The following TBC1D14 variants were observed in gnomAD, a reference collection of about 807,000 sequenced individuals.
TBC1D14 encodes the protein TBC1 domain family, member 14.
Under a neutral mutation model 79.0 loss-of-function variants are expected in TBC1D14, and 26 were observed. The ratio of observed to expected loss-of-function variants is 0.33; its 90% CI spans 0.24 to 0.46. TBC1D14 has a LOEUF of 0.46. Among genes scored for constraint, TBC1D14 ranks in the 20% least tolerant of loss-of-function variants. TBC1D14 has a pLI of 1.00. For synonymous variants in TBC1D14, 394 were observed against 349.9 expected (o/e 1.13, Z -1.40); for missense variants, 769 against 887.6 (o/e 0.87, Z 1.70).
At chr4:6,975,064 ACC>A (rs1409066707) in intron 3 of TBC1D14, among the ~76,000 whole-genome samples, 2 of 151,962 alleles carry the variant, frequency 1.3e-5, no homozygotes, top group African/African-American at 4.8e-5. Flanking sequence ...GGCGCCCGTC[ACC>A]ATGCCTGGCT....
At chr4:7,010,941 C>T (rs1299414343) in intron 11 of TBC1D14, among the ~76,000 whole-genome samples, 160 bp downstream of exon 11, 1 of 152,052 alleles carries the variant, frequency 6.6e-6, no homozygotes, top group Non-Finnish European at 1.5e-5. Flanking sequence ...TTTTGAGCAG[C>T]GTATTGCATG....
At chr4:6,993,403 G>A (rs989116818) in intron 3 of TBC1D14, among the ~76,000 whole-genome samples, 2 of 152,228 alleles carry the variant, frequency 1.3e-5, no homozygotes, top group South Asian at 2.1e-4. Flanking sequence ...GAGCTCTTGT[G>A]GTTGCAGTGC....
chr4:7,021,407 G>T (rs1189386140), intron 12 of TBC1D14, among the ~76,000 whole-genome samples: 1 of 152,162 alleles, frequency 6.6e-6, no homozygotes, highest in Non-Finnish European at 1.5e-5. Flanking sequence ...AGACTAGTCT[G>T]GGCAACACAG....
At chr4:6,958,868 C>A (rs1577085815) in intron 2 of TBC1D14, among the ~76,000 whole-genome samples, 1 of 149,488 alleles carries the variant, frequency 6.7e-6, no homozygotes, top group East Asian at 2.0e-4. Context: ...GTTTATTGGT[C>A]AGCTTCTTGA....
Position 7,014,566 on chromosome 4 carries a change from G to A in TBC1D14, c.1757+9G>A. Reference sequence around the variant, plus strand: ...ATCTACCTAATTGATTGGTAAGACTGGCTTTTCCCTGTGTTTTCAGAGCAT... The same window carrying A: ...ATCTACCTAATTGATTGGTAAGACTAGCTTTTCCCTGTGTTTTCAGAGCAT... On this transcript the variant is annotated intron_variant, in intron 12 of 13. Coordinates refer to ENST00000409757, the MANE Select transcript of TBC1D14 (RefSeq NM_020773.3). The A allele has an allele frequency of 1.3e-6, 2 of 1,566,656 alleles. No individual in the cohort carries two copies. The highest frequency in any genetic ancestry group is 1.1e-5 in the South Asian group (1 of 89,984).
intron 2 of TBC1D14, among the ~76,000 whole-genome samples, chr4:6,932,157 C>G (rs149630516): frequency 0.012 from 1,823 of 152,114 alleles, 18 homozygotes; most frequent in Middle Eastern, 0.037. Flanking sequence ...GTTGGGAGTT[C>G]AAGACCAGCC....
chr4:6,943,979 C>T (rs1167311070), intron 2 of TBC1D14, among the ~76,000 whole-genome samples: 1 of 152,200 alleles, frequency 6.6e-6, no homozygotes, highest in South Asian at 2.1e-4. Flanking sequence ...GGTTTCCGAT[C>T]GCGGGCACGG....
At chr4:6,915,112 C>G (rs899707758) in intron 1 of TBC1D14, among the ~76,000 whole-genome samples, 1 of 152,196 alleles carries the variant, frequency 6.6e-6, no homozygotes, top group South Asian at 2.1e-4. Context: ...GGCCAGTTCA[C>G]AGGGAGGTGC....
intron 2 of TBC1D14, among the ~76,000 whole-genome samples, chr4:6,928,661 C>A (rs923043136): frequency 6.6e-6 from 1 of 152,146 alleles, no homozygotes; most frequent in African/African-American, 2.4e-5. Flanking sequence ...GGTGAAACCT[C>A]ATTTCTACTA....
chr4:7,005,509 T>G (rs1284467544), intron 8 of TBC1D14, among the ~76,000 whole-genome samples: 3 of 152,092 alleles, frequency 2.0e-5, no homozygotes, highest in Non-Finnish European at 4.4e-5. Flanking sequence ...CATTCCAGCC[T>G]GGGTAACAGA....
chr4:6,911,061 TC>T (rs1174412052), intron 1 of TBC1D14, among the ~76,000 whole-genome samples: 6 of 152,308 alleles, frequency 3.9e-5, no homozygotes, highest in Admixed American at 2.6e-4. Flanking sequence ...GGTTGCTTTG[TC>T]TGGACCGGGC....
At chr4:6,910,558 C>T (rs1722897335) in intron 1 of TBC1D14, 1 of 152,338 alleles carries the variant, frequency 6.6e-6, no homozygotes, top group South Asian at 2.1e-4. Context: ...CGCGAAGACC[C>T]TGGCCCGGGG....
At chr4:7,021,688 C>A (rs570938658) in intron 12 of TBC1D14, among the ~76,000 whole-genome samples, 42 of 150,982 alleles carry the variant, frequency 2.8e-4, no homozygotes, top group Non-Finnish European at 4.7e-4. Flanking sequence ...TAAAAACATA[C>A]TTTTATTTAT....
intron 2 of TBC1D14, among the ~76,000 whole-genome samples, chr4:6,939,997 C>T (rs1040320770): frequency 2.0e-5 from 3 of 152,214 alleles, no homozygotes; most frequent in African/African-American, 7.2e-5. Context: ...GGCCTGTGCC[C>T]CTGGCTCCCG....
At chr4:6,974,889 TTTTG>T (rs909849867) in intron 3 of TBC1D14, among the ~76,000 whole-genome samples, 22 of 152,080 alleles carry the variant, frequency 1.4e-4, no homozygotes, top group Admixed American at 2.6e-4. Flanking sequence ...TGTGTGTCTG[TTTTG>T]TTTGTTTGTT....
Position 6,947,490 on chromosome 4 carries a change from C to T in TBC1D14, c.723-19814C>T, listed in dbSNP as rs1290406664. 5.9e-5 allele frequency among the ~76,000 whole-genome samples: 6 copies of T among 101,442 alleles called. No homozygotes were observed. The East Asian group carries it at 1.1e-3, about 19-fold the overall frequency. The allele number at this position is 101,442 out of a possible 152,430, so 66.5% of individuals were successfully genotyped here. On this transcript the variant is annotated intron_variant, in intron 2 of 13. Transcript: ENST00000409757. ...TCCAGCCTGGGCAACAGAGCAAGAC[C>T]CTGTCTCAAAAAAAAAAAAAAATTA...
chr4:6,919,706 C>T lies in TBC1D14; in HGVS notation c.-17-3667C>T, dbSNP rs568905709. ...TGCTATCTCGGCTCACTGCAACCTC[C>T]GCCTCCTGGGTTCAAGCGATTCTCC... On this transcript the variant is annotated intron_variant, in intron 1 of 13. Coordinates refer to ENST00000409757, the MANE Select transcript of TBC1D14 (RefSeq NM_020773.3). Among the ~76,000 whole-genome samples, 69 of 147,896 alleles carry T rather than the reference C, an allele frequency of 4.7e-4. 1 individual carries two copies. In the South Asian group the frequency reaches 0.012, roughly 25 times the overall value.
intron 2 of TBC1D14, among the ~76,000 whole-genome samples, chr4:6,965,971 T>G (rs1577095169): frequency 6.6e-6 from 1 of 152,234 alleles, no homozygotes; most frequent in Non-Finnish European, 1.5e-5. Flanking sequence ...TCCCCACTGG[T>G]GTAAGCATCT....
chr4:6,943,330 C>T (rs1164673207), intron 2 of TBC1D14, among the ~76,000 whole-genome samples: 3 of 152,234 alleles, frequency 2.0e-5, no homozygotes, highest in Non-Finnish European at 4.4e-5. Flanking sequence ...CTTTTCCTTC[C>T]TCCCTCTGCC....
Sources: gnomAD v4.1 joint callset for allele counts (sites outside exome capture counted in the v4.1 genomes callset) on GRCh38, gnomAD v4.1.1 for gene constraint, MANE v1.5 for transcripts, NCBI Gene and HGNC (gene_info 2026-07-23, HGNC 2026-07-21) for gene names.